The following ASTN2 variants were observed in gnomAD, a reference collection of about 807,000 sequenced individuals.
ASTN2 encodes the protein astrotactin-2.
A neutral mutation model predicts 139.8 loss-of-function variants in ASTN2; 54 were observed. The ratio of observed to expected loss-of-function variants is 0.39; its 90% CI spans 0.31 to 0.48. The LOEUF (loss-of-function observed/expected upper bound fraction) is 0.48. Ranked by LOEUF, ASTN2 falls within the 20% of genes least tolerant of loss-of-function variation. The pLI is 0.95. For missense variants in ASTN2, 1,565 were observed against 1,725.1 expected (o/e 0.91, Z 1.64); for synonymous variants, 756 against 719.5 (o/e 1.05, Z -0.81).
rs760194940 is a variant in ASTN2 at position 116,425,807 on chromosome 9, C to A, written c.*44G>T. ...AGGATCCAGGAGAATACTGCTCCCC[C>A]TCCCATGGAGAGTCTCTGTGCTCAC... On this transcript the variant is annotated 3_prime_UTR_variant, in exon 23 of 23. Transcript: ENST00000313400. 9.9e-6 allele frequency: 16 copies of A among 1,612,402 alleles called. No individual in the cohort carries two copies. In the East Asian group the frequency reaches 1.6e-4, roughly 16 times the overall value.
At chr9:117,317,313 A>C (rs1002854816) in intron 1 of ASTN2, among the ~76,000 whole-genome samples, 1 of 152,152 alleles carries the variant, frequency 6.6e-6, no homozygotes, top group Non-Finnish European at 1.5e-5. Context: ...TCAGCTCACC[A>C]TAAGTCCCAG....
intron 4 of ASTN2, among the ~76,000 whole-genome samples, chr9:117,101,315 C>A (rs79282494): frequency 0.18 from 26,918 of 152,150 alleles, 2,672 homozygotes; most frequent in Non-Finnish European, 0.22. Context: ...AAAGGGCCCC[C>A]TCTGTTAGCA....
chr9:116,461,843 C>T (rs1481860582), intron 20 of ASTN2, among the ~76,000 whole-genome samples: 1 of 152,104 alleles, frequency 6.6e-6, no homozygotes, highest in Non-Finnish European at 1.5e-5. Flanking sequence ...CATAGCTTAG[C>T]CTATCCTGAC....
intron 10 of ASTN2, among the ~76,000 whole-genome samples, chr9:116,949,034 C>T (rs1394121751): frequency 6.6e-6 from 1 of 151,832 alleles, no homozygotes; most frequent in Admixed American, 6.6e-5. Flanking sequence ...GGTGATCTGC[C>T]CACCTCGGCC....
chr9:117,402,649 A>G (rs1830866541), intron 1 of ASTN2, among the ~76,000 whole-genome samples: 1 of 152,234 alleles, frequency 6.6e-6, no homozygotes, highest in Admixed American at 6.5e-5. Flanking sequence ...CATTTTTAGT[A>G]TAAGTATGTC....
chr9:117,003,556 T>TGTG (rs1412820236), intron 7 of ASTN2, among the ~76,000 whole-genome samples: 2 of 146,964 alleles, frequency 1.4e-5, no homozygotes, highest in Non-Finnish European at 3.0e-5. Flanking sequence ...TGTGTGTGTA[T>TGTG]TTAAATCTAG....
At chr9:116,761,926 A>G (rs1390028613) in intron 13 of ASTN2, among the ~76,000 whole-genome samples, 1 of 152,198 alleles carries the variant, frequency 6.6e-6, no homozygotes, top group Non-Finnish European at 1.5e-5. Flanking sequence ...TGCAATATTC[A>G]GAAAGAATTG....
chr9:117,086,308 C>T (rs1828557965), intron 5 of ASTN2, among the ~76,000 whole-genome samples: 1 of 152,172 alleles, frequency 6.6e-6, no homozygotes, highest in South Asian at 2.1e-4. Context: ...GGTGCGGTGG[C>T]TCACGCCTGT....
chr9:117,282,603 C>G (rs1234524885), intron 2 of ASTN2, among the ~76,000 whole-genome samples: 1 of 151,272 alleles, frequency 6.6e-6, no homozygotes, highest in African/African-American at 2.5e-5. Flanking sequence ...TGGCTCTGGG[C>G]TTGGCCATGT....
chr9:116,977,892 T>G (rs1836396508), intron 7 of ASTN2, among the ~76,000 whole-genome samples: 1 of 151,862 alleles, frequency 6.6e-6, no homozygotes, highest in African/African-American at 2.4e-5. Flanking sequence ...AATTTTTGTA[T>G]TTTTGATAGA....
intron 13 of ASTN2, among the ~76,000 whole-genome samples, chr9:116,791,745 G>A (rs534008732): frequency 4.6e-5 from 7 of 152,312 alleles, no homozygotes; most frequent in Admixed American, 3.9e-4. Context: ...GCATTTGAGT[G>A]TAATGAAATT....
At chr9:116,995,094 G>A (rs1283799164) in intron 7 of ASTN2, among the ~76,000 whole-genome samples, 1 of 152,186 alleles carries the variant, frequency 6.6e-6, no homozygotes, top group Admixed American at 6.5e-5. Flanking sequence ...AATCCAGAGT[G>A]CAAGCTCTTG....
intron 10 of ASTN2, among the ~76,000 whole-genome samples, chr9:116,893,973 A>G (rs760461528): frequency 5.3e-5 from 8 of 152,092 alleles, no homozygotes; most frequent in Non-Finnish European, 1.5e-5. Context: ...CACACTGACT[A>G]CCTCGCCACA....
In ASTN2 at chr9:116,964,580, G is replaced by A. The variant is rs11793746; in HGVS notation, c.1889+10628C>T. Among the ~76,000 whole-genome samples the A allele has an allele frequency of 2.6e-5, 4 of 152,092 alleles. No individual in the cohort carries two copies. In the South Asian group the frequency reaches 8.3e-4, roughly 32 times the overall value. On this transcript the variant is annotated intron_variant, in intron 10 of 22. Transcript: ENST00000313400. ...ACTCAGGACTGTCCATGCAATGGCA[G>A]AGGATAAAAAATATGCGTCAGAAGA...
chr9:117,084,944 T>C (rs113757108), intron 5 of ASTN2, among the ~76,000 whole-genome samples: 4,386 of 152,306 alleles, frequency 0.029, 197 homozygotes, highest in African/African-American at 0.1. Context: ...GCTAAAGAAC[T>C]ACCCAGCCCT....
At position 117,275,435 on chromosome 9, in the gene ASTN2, G is replaced by A. The variant is rs145780595; in HGVS notation, c.630+15891C>T. Among the ~76,000 whole-genome samples the A allele has an allele frequency of 3.5e-3, 527 of 152,146 alleles. 5 individuals are homozygous for A. Among genetic ancestry groups the A allele is most frequent in the African/African-American group, 9.7e-3 (401 of 41,492 alleles). ...TTCTGGAGGCTGGAAGTCTAACATC[G>A]AGGCACCAGCAGGATTGGTTTCTGG... On this transcript the variant is annotated intron_variant, in intron 2 of 22. Transcript: ENST00000313400.
At chr9:116,938,240 T>A (rs924967711) in intron 10 of ASTN2, among the ~76,000 whole-genome samples, 3 of 56,660 alleles carry the variant, frequency 5.3e-5, no homozygotes, top group Admixed American at 4.8e-4. Context: ...GTCAGTGCCA[T>A]GAAGCACTGT....
chr9:116,713,955 G>A (rs1828241822), intron 16 of ASTN2, among the ~76,000 whole-genome samples: 1 of 152,160 alleles, frequency 6.6e-6, no homozygotes, highest in South Asian at 2.1e-4. Context: ...ACCTTGAGCA[G>A]ATAAGTTTTC....
chr9:116,557,223 C>CAAAAAAAAAA (rs60756690), intron 19 of ASTN2, among the ~76,000 whole-genome samples: 31 of 53,596 alleles, frequency 5.8e-4, no homozygotes, highest in African/African-American at 2.2e-3. Context: ...GACTCTGTCT[C>CAAAAAAAAAA]AAAAAAAAAA....
Sources: gnomAD v4.1 joint callset for allele counts (sites outside exome capture counted in the v4.1 genomes callset) on GRCh38, gnomAD v4.1.1 for gene constraint, MANE v1.5 for transcripts, NCBI Gene and HGNC (gene_info 2026-07-23, HGNC 2026-07-21) for gene names.